The following ADHFE1 variants were observed in gnomAD, a reference collection of about 807,000 sequenced individuals.
ADHFE1 encodes the protein alcohol dehydrogenase iron containing 1.
ADHFE1 carries 37 observed loss-of-function variants against 54.8 expected under a neutral mutation model. That is an observed-to-expected ratio of 0.68 (90% CI 0.52 to 0.89). The LOEUF (loss-of-function observed/expected upper bound fraction) is 0.89, where lower values mean the gene tolerates loss of function less well. Among genes scored for constraint, ADHFE1 ranks in the 40% least tolerant of loss-of-function variants. The pLI is 0.00. For missense variants in ADHFE1, 601 were observed against 591.2 expected (o/e 1.02, Z -0.17); for synonymous variants, 203 against 229.3 (o/e 0.89, Z 1.04).
intron 1 of ADHFE1, among the ~76,000 whole-genome samples, chr8:66,438,889 G>C (rs1805599130): frequency 6.6e-6 from 1 of 151,952 alleles, no homozygotes; most frequent in Admixed American, 6.6e-5. Flanking sequence ...GTGGCGGGGG[G>C]TGTAGGGAGG....
intron 1 of ADHFE1, among the ~76,000 whole-genome samples, chr8:66,437,430 G>A (rs1231226520): frequency 1.3e-5 from 2 of 152,100 alleles, no homozygotes; most frequent in Non-Finnish European, 2.9e-5. Context: ...CAGGAGGGCA[G>A]GTAGATGAGG....
chr8:66,434,304 G>A (rs1805352205), intron 1 of ADHFE1, among the ~76,000 whole-genome samples: 1 of 152,148 alleles, frequency 6.6e-6, no homozygotes, highest in Non-Finnish European at 1.5e-5. Context: ...CATGCTTCTG[G>A]TACATTCAGA....
Position 66,439,274 on chromosome 8 carries a change from A to G in ADHFE1, c.60-888A>G. ...GCGGGGAGAAGGAAGTGATGCACTC[A>G]AGTATCTACCGAGACCCAACCACTG... On this transcript the variant is annotated intron_variant, in intron 1 of 13. Coordinates refer to ENST00000396623, the MANE Select transcript of ADHFE1 (RefSeq NM_144650.3). This position sits in a 1 kb window ranked among gnomAD's most constrained non-coding sequence, Gnocchi z 4.4. The G allele has an allele frequency of 1.4e-5, 14 of 985,490 alleles. No individual in the cohort carries two copies. The highest frequency in any genetic ancestry group is 1.7e-5 in the Non-Finnish European group (14 of 829,980). The allele number at this position is 985,490 out of a possible 1,614,324, so 61.0% of individuals were successfully genotyped here. A position where few individuals can be genotyped will look rare whatever the true frequency, so the allele number is the denominator to read the frequency against.
intron 1 of ADHFE1, among the ~76,000 whole-genome samples, chr8:66,437,028 T>C (rs902771822): frequency 1.3e-5 from 2 of 151,850 alleles, no homozygotes; most frequent in Admixed American, 6.6e-5. Flanking sequence ...AGCTGGTCAG[T>C]TGAGTCGGGG....
chr8:66,460,732 A>G (rs1344259604), intron 13 of ADHFE1, among the ~76,000 whole-genome samples: 1 of 152,242 alleles, frequency 6.6e-6, no homozygotes, highest in Non-Finnish European at 1.5e-5. Context: ...AATTCAAGGC[A>G]AAAACAACCA....
rs1212700789 is a variant in ADHFE1 at position 66,445,407 on chromosome 8, G to C, written c.543G>C (p.Leu181=). Residue 181 remains leucine, a synonymous_variant, in exon 6 of 14, where the codon CTG becomes CTC. Coordinates refer to ENST00000396623, the MANE Select transcript of ADHFE1 (RefSeq NM_144650.3). ...GKPVSVPLKP[L]IAVPTTSGTG... ...CTGTGTCTGTGCCTCTTAAGCCTCT[G>C]ATTGCAGGTAAAGACTGTTTATTTC... 1.2e-6 allele frequency: 2 copies of C among 1,606,940 alleles called. No homozygotes were observed. The highest frequency in any genetic ancestry group is 4.5e-5 in the East Asian group (2 of 44,762).
At chr8:66,452,234 A>G in intron 9 of ADHFE1, 129 bp downstream of exon 9, 2 of 1,274,632 alleles carry the variant, frequency 1.6e-6, no homozygotes, top group Non-Finnish European at 2.1e-6. Context: ...GTGGATGCGC[A>G]GAAGCCCCAG....
At chr8:66,443,418 C>T (rs1231135335) in intron 3 of ADHFE1, among the ~76,000 whole-genome samples, 1 of 151,894 alleles carries the variant, frequency 6.6e-6, no homozygotes, top group Non-Finnish European at 1.5e-5. Flanking sequence ...GCTGGGATTA[C>T]AGGTGCACAC....
intron 6 of ADHFE1, among the ~76,000 whole-genome samples, chr8:66,446,788 CACAT>C (rs1806056119): frequency 6.6e-6 from 1 of 152,152 alleles, no homozygotes; most frequent in African/African-American, 2.4e-5. Context: ...TGCATGCTAA[CACAT>C]ACAGAGGTCA....
chr8:66,448,912 C>A lies in ADHFE1; in HGVS notation c.676C>A (p.Leu226Met). The A allele has an allele frequency of 6.2e-7, 1 of 1,614,192 alleles. No homozygotes were observed. Among genetic ancestry groups the A allele is most frequent in the Non-Finnish European group, 8.5e-7 (1 of 1,180,042 alleles). ...ACCCACACTGGGACTGATTGATCCT[C>A]TGCACACCCTCCACATGCCTGCCCG... ...IKPTLGLIDP[L>M]HTLHMPARVV... is the part of the protein sequence containing the mutation. Residue 226 changes from leucine to methionine, a missense_variant, in exon 8 of 14, where the codon CTG (leucine) becomes ATG (methionine). Physicochemically the swap from Leu to Met is conservative, Grantham distance 15 (BLOSUM62 2). Coordinates refer to ENST00000396623, the MANE Select transcript of ADHFE1 (RefSeq NM_144650.3).
chr8:66,458,056 A>G (rs1213884858), intron 12 of ADHFE1, among the ~76,000 whole-genome samples: 2 of 152,230 alleles, frequency 1.3e-5, no homozygotes, highest in African/African-American at 4.8e-5. Flanking sequence ...TATCCACAGT[A>G]CCTTTTGAAT....
In ADHFE1 at chr8:66,439,083, A is replaced by G. The variant is rs958127445; in HGVS notation, c.60-1079A>G. Among the ~76,000 whole-genome samples the G allele has an allele frequency of 6.6e-6, 1 of 151,736 alleles. No individual in the cohort carries two copies. The highest frequency in any genetic ancestry group is 6.6e-5 in the Admixed American group (1 of 15,246). ...CCTCTCCCCCGGCGCGCGCGTCGGG[A>G]ACCACTAGATGGCAGCCGCGACTCG... On this transcript the variant is annotated intron_variant, in intron 1 of 13. Transcript: ENST00000396623. This position sits in a 1 kb window ranked among gnomAD's most constrained non-coding sequence, Gnocchi z 4.4.
At chr8:66,451,108 T>C (rs1336528864) in intron 8 of ADHFE1, among the ~76,000 whole-genome samples, 1 of 152,248 alleles carries the variant, frequency 6.6e-6, no homozygotes, top group Non-Finnish European at 1.5e-5. Flanking sequence ...TGTTACACTG[T>C]GTTTCCAGTG....
intron 1 of ADHFE1, among the ~76,000 whole-genome samples, chr8:66,435,638 A>T (rs2130329837): frequency 9.4e-6 from 1 of 106,800 alleles, no homozygotes; most frequent in East Asian, 3.1e-4. Flanking sequence ...TTTGAGACAG[A>T]GTCTTGCTGT....
intron 5 of ADHFE1, among the ~76,000 whole-genome samples, chr8:66,444,990 A>G (rs966913932): frequency 2.6e-5 from 4 of 152,098 alleles, no homozygotes; most frequent in African/African-American, 9.7e-5. Context: ...AATCCCAGCT[A>G]CTTGGGAAGC....
At chr8:66,434,358 A>T (rs750998355) in intron 1 of ADHFE1, among the ~76,000 whole-genome samples, 1 of 152,226 alleles carries the variant, frequency 6.6e-6, no homozygotes, top group Non-Finnish European at 1.5e-5. Flanking sequence ...CTGGGGCTCA[A>T]GAGTGAGTTG....
intron 1 of ADHFE1, 50 bp downstream of exon 1, chr8:66,432,625 G>GC: frequency 7.8e-7 from 1 of 1,281,178 alleles, no homozygotes; most frequent in Non-Finnish European, 9.9e-7. Context: ...TGCCCACGCA[G>GC]CCCCCTGGGT....
At position 66,456,832 on chromosome 8, in the gene ADHFE1, C is replaced by T. The variant is rs201792785; in HGVS notation, c.1002C>T (p.Tyr334=). 3.1e-6 allele frequency: 5 copies of T among 1,608,840 alleles called. No homozygotes were observed. Among genetic ancestry groups the T allele is most frequent in the Non-Finnish European group, 8.5e-7 (1 of 1,177,554 alleles). ...AGVHLCHGMS[Y]PISGLVKMYK... is the part of the protein sequence containing the mutation. ...TCTTTTCTAGCCATGGAATGTCTTA[C>T]CCAATTTCAGGTTTAGTGAAGATGT... Residue 334 remains tyrosine (Y), a synonymous_variant, in exon 11 of 14, where the codon TAC becomes TAT. Coordinates refer to ENST00000396623, the MANE Select transcript of ADHFE1 (RefSeq NM_144650.3).
rs1053443548 is a variant in ADHFE1 at position 66,439,554 on chromosome 8, TG to T, written c.60-604del. 93 of 985,628 alleles carry T rather than the reference TG, an allele frequency of 9.4e-5. No individual in the cohort carries two copies. The highest frequency in any genetic ancestry group is 5.2e-4 in the African/African-American group (30 of 57,276). 61.1% of individuals were successfully genotyped at this position (985,628 alleles called of 1,614,324 possible). A position where few individuals can be genotyped will look rare whatever the true frequency, so the allele number is the denominator to read the frequency against. On this transcript the variant is annotated intron_variant, in intron 1 of 13. Transcript: ENST00000396623. The surrounding 1 kb of genome is among the most constrained non-coding windows in gnomAD (Gnocchi z 4.4). ...GGAGCGCACCGGGTGTGCGCGCAGC[TG>T]GGGCCTCTGGGGAGCGGCGCGGCGG...
Sources: allele counts gnomAD v4.1 joint callset (sites outside exome capture counted in the v4.1 genomes callset), GRCh38; gene constraint gnomAD v4.1.1; non-coding constraint Gnocchi (gnomAD v3.1); transcripts MANE v1.5; gene names NCBI Gene and HGNC (gene_info 2026-07-23, HGNC 2026-07-21).